Variants in WWOX observed in about 807,000 individuals in gnomAD.
WWOX encodes the protein WW domain-containing oxidoreductase.
Under a neutral mutation model 46.2 loss-of-function variants are expected in WWOX, and 69 were observed. The ratio of observed to expected loss-of-function variants is 1.49; its 90% CI spans 1.23 to 1.82. WWOX has a LOEUF of 1.82. WWOX is among the 40% of genes most tolerant of loss of function. WWOX has a pLI of 0.00. For synonymous variants in WWOX, 359 were observed against 202.6 expected (o/e 1.77, Z -6.56); for missense variants, 919 against 542.6 (o/e 1.69, Z -6.89).
chr16:78,965,528 C>G (rs1334519684), intron 8 of WWOX, among the ~76,000 whole-genome samples: 1 of 151,356 alleles, frequency 6.6e-6, no homozygotes, highest in Non-Finnish European at 1.5e-5. Flanking sequence ...CGAGATGGCA[C>G]CATTGCACTC....
At chr16:78,699,334 G>T (rs760953751) in intron 8 of WWOX, among the ~76,000 whole-genome samples, 6 of 149,888 alleles carry the variant, frequency 4.0e-5, no homozygotes, top group Non-Finnish European at 8.9e-5. Flanking sequence ...AGGAGTTTGA[G>T]ACTGGGCAAC....
At chr16:78,701,771 C>A (rs995464785) in intron 8 of WWOX, among the ~76,000 whole-genome samples, 2 of 151,792 alleles carry the variant, frequency 1.3e-5, no homozygotes, top group South Asian at 4.2e-4. Context: ...TGGGCCCTTG[C>A]TCTGAGATGC....
intron 8 of WWOX, among the ~76,000 whole-genome samples, chr16:78,951,215 C>T (rs937876708): frequency 6.6e-6 from 1 of 152,208 alleles, no homozygotes; most frequent in Non-Finnish European, 1.5e-5. Flanking sequence ...GGTCATAATT[C>T]TATTTCTCTG....
At chr16:78,673,264 G>T (rs542257325) in intron 8 of WWOX, among the ~76,000 whole-genome samples, 1 of 152,314 alleles carries the variant, frequency 6.6e-6, no homozygotes, top group East Asian at 1.9e-4. Flanking sequence ...AGGCACTGGA[G>T]AATGGTGCAG....
At chr16:78,210,305 A>T (rs985220845) in intron 5 of WWOX, among the ~76,000 whole-genome samples, 1 of 152,222 alleles carries the variant, frequency 6.6e-6, no homozygotes, top group Non-Finnish European at 1.5e-5. Context: ...ACAGGGAAGC[A>T]TCGGCTTCAG....
intron 8 of WWOX, among the ~76,000 whole-genome samples, chr16:78,871,518 C>G (rs2044127969): frequency 6.6e-6 from 1 of 152,170 alleles, no homozygotes; most frequent in Non-Finnish European, 1.5e-5. Context: ...GACAAGATCT[C>G]CAAGGAAGCA....
intron 8 of WWOX, among the ~76,000 whole-genome samples, chr16:78,947,450 G>C (rs935675857): frequency 4.6e-5 from 7 of 152,196 alleles, no homozygotes; most frequent in Non-Finnish European, 1.0e-4. Context: ...GAGATGAAAG[G>C]AGTGAGGAAA....
At chr16:78,293,912 G>A (rs1438331785) in intron 5 of WWOX, among the ~76,000 whole-genome samples, 1 of 139,408 alleles carries the variant, frequency 7.2e-6, no homozygotes, top group African/African-American at 2.6e-5. Context: ...GGTAGGCAGA[G>A]GTTGCAGTGA....
At chr16:78,695,451 T>C (rs573775607) in intron 8 of WWOX, among the ~76,000 whole-genome samples, 137 of 152,286 alleles carry the variant, frequency 9.0e-4, no homozygotes, top group Non-Finnish European at 1.6e-3. Context: ...TACCCTTCTT[T>C]TGGAGCAGAG....
At chr16:78,372,425 C>G (rs2081713973) in intron 5 of WWOX, among the ~76,000 whole-genome samples, 1 of 152,176 alleles carries the variant, frequency 6.6e-6, no homozygotes. Flanking sequence ...GCAAAATCTC[C>G]ATTTTCAAAA....
At chr16:78,361,455 C>G (rs1313989468) in intron 5 of WWOX, among the ~76,000 whole-genome samples, 1 of 152,156 alleles carries the variant, frequency 6.6e-6, no homozygotes, top group African/African-American at 2.4e-5. Flanking sequence ...TTTCCTTAAA[C>G]TTTCACATGC....
chr16:78,670,643 T>G (rs2047438564), intron 8 of WWOX, among the ~76,000 whole-genome samples: 1 of 152,080 alleles, frequency 6.6e-6, no homozygotes, highest in Non-Finnish European at 1.5e-5. Context: ...GAATGTGACC[T>G]CATTTGGAAA....
At chr16:78,877,504 C>G (rs896345725) in intron 8 of WWOX, among the ~76,000 whole-genome samples, 1 of 152,246 alleles carries the variant, frequency 6.6e-6, no homozygotes, top group African/African-American at 2.4e-5. Context: ...TTTCTCACCA[C>G]TCACTATAAA....
chr16:78,131,918 T>G (rs2033610726), intron 4 of WWOX, among the ~76,000 whole-genome samples: 1 of 151,258 alleles, frequency 6.6e-6, no homozygotes. Context: ...AGGAAACATC[T>G]AACAGCAAAT....
intron 8 of WWOX, among the ~76,000 whole-genome samples, chr16:78,729,814 T>A (rs1004567671): frequency 1.3e-5 from 2 of 152,196 alleles, no homozygotes; most frequent in African/African-American, 2.4e-5. Flanking sequence ...ACCTACAGTT[T>A]TGAGGCCTGA....
intron 8 of WWOX, among the ~76,000 whole-genome samples, chr16:79,139,353 ACTTTAATGTTGTTCT>A (rs1394256616): frequency 6.6e-6 from 1 of 152,206 alleles, no homozygotes; most frequent in African/African-American, 2.4e-5. Flanking sequence ...GTGGGGATCC[ACTTTAATGTTGTTCT>A]CTTGGTTTTG....
At chr16:79,202,182 C>T (rs2051368110) in intron 8 of WWOX, among the ~76,000 whole-genome samples, 1 of 152,116 alleles carries the variant, frequency 6.6e-6, no homozygotes, top group Non-Finnish European at 1.5e-5. Context: ...GGCCACAGAG[C>T]CTAAATTACT....
chr16:78,254,552 C>G (rs1301856018), intron 5 of WWOX, among the ~76,000 whole-genome samples: 4 of 125,660 alleles, frequency 3.2e-5, no homozygotes, highest in African/African-American at 1.3e-4. Context: ...GTGGCCCAGG[C>G]TAGTATGCAA....
At chr16:78,894,834 C>A (rs750567751) in intron 8 of WWOX, among the ~76,000 whole-genome samples, 1 of 152,066 alleles carries the variant, frequency 6.6e-6, no homozygotes, top group Non-Finnish European at 1.5e-5. Flanking sequence ...TTCCACAATG[C>A]GGCTATTATG....
Sources: allele counts gnomAD v4.1 joint callset (sites outside exome capture counted in the v4.1 genomes callset), GRCh38; gene constraint gnomAD v4.1.1; transcripts MANE v1.5; gene names NCBI Gene and HGNC (gene_info 2026-07-23, HGNC 2026-07-21).